The following NCKAP5 variants were observed in gnomAD, a reference collection of about 807,000 sequenced individuals.
NCKAP5 encodes NCK associated protein 5, also known as nck-associated protein 5.
Under a neutral mutation model 167.0 loss-of-function variants are expected in NCKAP5, and 92 were observed. The ratio of observed to expected loss-of-function variants is 0.55; its 90% CI spans 0.47 to 0.66. The LOEUF (loss-of-function observed/expected upper bound fraction) is 0.66. NCKAP5 is among the 30% of genes least tolerant of loss of function. The probability of loss-of-function intolerance (pLI) is 0.00; values close to 1 mark genes in which losing one functional copy is unlikely to be tolerated. For synonymous variants in NCKAP5, 891 were observed against 877.4 expected (o/e 1.02, Z -0.27); for missense variants, 2,378 against 2,315.0 (o/e 1.03, Z -0.56).
At chr2:133,053,547 G>A (rs1026406407) in intron 6 of NCKAP5, among the ~76,000 whole-genome samples, 1 of 152,136 alleles carries the variant, frequency 6.6e-6, no homozygotes, top group African/African-American at 2.4e-5. Flanking sequence ...TTTGTAAAGC[G>A]ACCTTCAAAA....
chr2:132,888,579 T>C (rs940681124), intron 8 of NCKAP5, among the ~76,000 whole-genome samples: 71 of 152,170 alleles, frequency 4.7e-4, no homozygotes, highest in African/African-American at 1.5e-3. Context: ...TTAGTAGAGA[T>C]GGGACTTCAC....
chr2:132,792,227 A>G (rs1684133543), intron 12 of NCKAP5, among the ~76,000 whole-genome samples: 1 of 152,200 alleles, frequency 6.6e-6, no homozygotes, highest in Non-Finnish European at 1.5e-5. Context: ...ATGCCAAGAA[A>G]TTTTACTATC....
chr2:133,200,292 T>C (rs1574356372), intron 5 of NCKAP5, among the ~76,000 whole-genome samples: 1 of 151,986 alleles, frequency 6.6e-6, no homozygotes, highest in East Asian at 1.9e-4. Flanking sequence ...ATCAATGTAA[T>C]AGAATTCAAA....
chr2:132,937,341 G>A (rs1299560802), intron 8 of NCKAP5, among the ~76,000 whole-genome samples: 1 of 152,158 alleles, frequency 6.6e-6, no homozygotes, highest in African/African-American at 2.4e-5. Context: ...AATAAATATG[G>A]AAACCTCTGT....
chr2:132,707,529 G>T (rs1488818885), intron 19 of NCKAP5, among the ~76,000 whole-genome samples: 1 of 152,178 alleles, frequency 6.6e-6, no homozygotes, highest in Non-Finnish European at 1.5e-5. Context: ...ACCAGCTGGG[G>T]TGGCCAATGG....
intron 7 of NCKAP5, among the ~76,000 whole-genome samples, chr2:132,965,948 G>A (rs1295268155): frequency 6.7e-6 from 1 of 150,000 alleles, no homozygotes; most frequent in East Asian, 2.0e-4. Context: ...GTGTGTATCT[G>A]TAGAAGTATC....
intron 3 of NCKAP5, among the ~76,000 whole-genome samples, chr2:133,444,592 A>G (rs1211463412): frequency 2.0e-5 from 3 of 152,214 alleles, no homozygotes; most frequent in Non-Finnish European, 2.9e-5. Context: ...ATCAAGTGAG[A>G]TAACAAATGT....
chr2:133,287,355 C>T (rs1679222831), intron 4 of NCKAP5, among the ~76,000 whole-genome samples: 1 of 152,172 alleles, frequency 6.6e-6, no homozygotes, highest in South Asian at 2.1e-4. Context: ...ATCCATATTT[C>T]TATTTCCAAA....
Position 133,031,489 on chromosome 2 carries a change from C to T in NCKAP5, c.342-37250G>A, listed in dbSNP as rs574203378. ...AACCTTGCCACTGAGGGCCACATTG[C>T]TCCATGTCTCCGAGTAAACTTGAAA... On this transcript the variant is annotated intron_variant, in intron 6 of 19. Transcript: ENST00000409261. 2.6e-5 allele frequency among the ~76,000 whole-genome samples: 4 copies of T among 152,332 alleles called. No individual in the cohort carries two copies. In the East Asian group the frequency reaches 5.8e-4, roughly 22 times the overall value.
At chr2:132,940,883 A>G (rs1367462178) in intron 8 of NCKAP5, among the ~76,000 whole-genome samples, 3 of 152,082 alleles carry the variant, frequency 2.0e-5, no homozygotes, top group Middle Eastern at 3.4e-3. Context: ...TAATTATATT[A>G]TCAATTATAT....
At chr2:133,232,756 T>G (rs2150255535) in intron 4 of NCKAP5, among the ~76,000 whole-genome samples, 1 of 152,282 alleles carries the variant, frequency 6.6e-6, no homozygotes, top group African/African-American at 2.4e-5. Flanking sequence ...TCTATCTAGC[T>G]AAGCCCCTAC....
At chr2:132,845,931 C>A (rs1360436609) in intron 11 of NCKAP5, among the ~76,000 whole-genome samples, 1 of 152,088 alleles carries the variant, frequency 6.6e-6, no homozygotes, top group Non-Finnish European at 1.5e-5. Flanking sequence ...TCCACTTATT[C>A]ATTTCTTCCA....
chr2:133,208,825 A>G (rs1289026768), intron 5 of NCKAP5, among the ~76,000 whole-genome samples: 1 of 152,196 alleles, frequency 6.6e-6, no homozygotes, highest in Non-Finnish European at 1.5e-5. Context: ...TATTTTTTAA[A>G]AGTGAGTTGA....
intron 16 of NCKAP5, among the ~76,000 whole-genome samples, chr2:132,749,215 C>T (rs6747722): frequency 0.62 from 93,392 of 151,740 alleles, 31,029 homozygotes; most frequent in African/African-American, 0.86. Context: ...TTCTTTCTTA[C>T]TTTGGAGACA....
At chr2:132,825,253 A>C (rs1687046342) in intron 11 of NCKAP5, among the ~76,000 whole-genome samples, 1 of 152,228 alleles carries the variant, frequency 6.6e-6, no homozygotes, top group African/African-American at 2.4e-5. Context: ...AATGAAACAT[A>C]GCATGTTCAA....
chr2:133,329,268 GCAGGGGACAAC>G (rs905397592), intron 3 of NCKAP5, among the ~76,000 whole-genome samples: 1 of 152,116 alleles, frequency 6.6e-6, no homozygotes, highest in African/African-American at 2.4e-5. Flanking sequence ...TGTGGAGGGG[GCAGGGGACAAC>G]CAGGGGACAG....
At chr2:133,410,639 G>A (rs1188178937) in intron 3 of NCKAP5, among the ~76,000 whole-genome samples, 3 of 152,094 alleles carry the variant, frequency 2.0e-5, no homozygotes, top group Non-Finnish European at 2.9e-5. Context: ...AGCATCGCAG[G>A]GAGCTTCTTA....
intron 6 of NCKAP5, among the ~76,000 whole-genome samples, chr2:133,068,873 A>G (rs890594385): frequency 1.3e-5 from 2 of 152,242 alleles, no homozygotes. Context: ...ATTTGTAACT[A>G]GCAAAATGAT....
At chr2:133,048,452 T>C (rs552978148) in intron 6 of NCKAP5, among the ~76,000 whole-genome samples, 3 of 152,342 alleles carry the variant, frequency 2.0e-5, no homozygotes, top group African/African-American at 7.2e-5. Flanking sequence ...ATTCTAGTGA[T>C]TGATGATTGA....
Sources: allele counts gnomAD v4.1 joint callset (sites outside exome capture counted in the v4.1 genomes callset), GRCh38; gene constraint gnomAD v4.1.1; transcripts MANE v1.5; gene names NCBI Gene and HGNC (gene_info 2026-07-23, HGNC 2026-07-21).